Variants in NREP observed in about 807,000 individuals in gnomAD.
NREP encodes the protein neuronal regeneration-related protein.
In NREP, 5 loss-of-function variants were observed where a neutral mutation model predicts 8.6. That is an observed-to-expected ratio of 0.58 (90% confidence interval 0.30 to 1.22). The LOEUF is 1.22. NREP is among the 50% of genes most tolerant of loss of function. NREP has a pLI of 0.07. For synonymous variants in NREP, 27 were observed against 28.0 expected (o/e 0.96, Z 0.11); for missense variants, 86 against 82.5 (o/e 1.04, Z -0.17).
chr5:111,851,705 C>A (rs1456890284), intron 2 of NREP, among the ~76,000 whole-genome samples: 1 of 151,998 alleles, frequency 6.6e-6, no homozygotes, highest in Admixed American at 6.6e-5. Flanking sequence ...GCTAAAGAGA[C>A]CTATTGTGCA....
chr5:111,928,495 C>T (rs1755450977), intron 2 of NREP, among the ~76,000 whole-genome samples: 1 of 152,110 alleles, frequency 6.6e-6, no homozygotes, highest in South Asian at 2.1e-4. Context: ...TGCTAACCAT[C>T]TGACTTCTGA....
At chr5:111,865,401 G>C (rs961687390) in intron 2 of NREP, among the ~76,000 whole-genome samples, 5 of 152,056 alleles carry the variant, frequency 3.3e-5, no homozygotes, top group African/African-American at 1.2e-4. Context: ...AAAATACATG[G>C]GAGGGTTGTA....
At chr5:111,745,262 G>GAGA (rs971052286) in intron 2 of NREP, among the ~76,000 whole-genome samples, 51 of 152,302 alleles carry the variant, frequency 3.3e-4, no homozygotes, top group Admixed American at 1.8e-3. Flanking sequence ...AACACTGAGG[G>GAGA]AGAATAGTCA....
At chr5:111,905,848 C>A (rs1754767716) in intron 2 of NREP, among the ~76,000 whole-genome samples, 1 of 151,968 alleles carries the variant, frequency 6.6e-6, no homozygotes, top group South Asian at 2.1e-4. Context: ...ATACATCTGA[C>A]CCATTCCTGT....
At chr5:111,898,114 A>G (rs994752945) in intron 2 of NREP, among the ~76,000 whole-genome samples, 1 of 151,900 alleles carries the variant, frequency 6.6e-6, no homozygotes, top group Admixed American at 6.5e-5. Flanking sequence ...CTTTTACCAG[A>G]TGGAAATAGA....
intron 1 of NREP, among the ~76,000 whole-genome samples, chr5:111,756,858 A>C (rs1489185799): frequency 6.6e-6 from 1 of 152,322 alleles, no homozygotes; most frequent in East Asian, 1.9e-4. Context: ...AAAATTAACC[A>C]CACCAACAAG....
At chr5:111,878,270 TGAA>T (rs1299886206) in intron 2 of NREP, among the ~76,000 whole-genome samples, 8 of 152,206 alleles carry the variant, frequency 5.3e-5, no homozygotes, top group Admixed American at 5.2e-4. Context: ...GGGTAATTTA[TGAA>T]GAACAGAGGT....
intron 1 of NREP, chr5:111,976,596 T>C: frequency 1.3e-6 from 1 of 784,844 alleles, no homozygotes; most frequent in Non-Finnish European, 2.0e-6. Flanking sequence ...TCAAGCAAAA[T>C]GAACAAGGTT....
At chr5:111,737,726 A>C (rs1749261169) in intron 2 of NREP, among the ~76,000 whole-genome samples, 1 of 145,258 alleles carries the variant, frequency 6.9e-6, no homozygotes, top group Non-Finnish European at 1.5e-5. Flanking sequence ...AAAAAAAAAA[A>C]AAACAAAAAC....
intron 2 of NREP, among the ~76,000 whole-genome samples, chr5:111,887,057 G>A (rs984026635): frequency 4.6e-5 from 7 of 151,536 alleles, no homozygotes; most frequent in Non-Finnish European, 8.8e-5. Context: ...CCAAACAACT[G>A]GGACTACAGG....
At chr5:111,896,296 T>C (rs1014762558) in intron 2 of NREP, among the ~76,000 whole-genome samples, 2 of 152,182 alleles carry the variant, frequency 1.3e-5, no homozygotes, top group Non-Finnish European at 2.9e-5. Context: ...AACGAAGTTT[T>C]GGTTTAACAA....
intron 2 of NREP, among the ~76,000 whole-genome samples, chr5:111,888,465 C>T (rs1754316515): frequency 6.6e-6 from 1 of 152,118 alleles, no homozygotes; most frequent in East Asian, 1.9e-4. Flanking sequence ...ATAAAACCAT[C>T]AGATCTCATG....
At chr5:111,848,850 G>A (rs1753242853) in intron 2 of NREP, among the ~76,000 whole-genome samples, 1 of 150,718 alleles carries the variant, frequency 6.6e-6, no homozygotes, top group Non-Finnish European at 1.5e-5. Flanking sequence ...AGAGGAGCCT[G>A]AGCCTAAGAA....
At position 111,730,828 on chromosome 5, in the gene NREP, C is replaced by T. The variant is rs1748479219; in HGVS notation, c.*93G>A. 1 of 1,411,446 alleles carries T rather than the reference C, an allele frequency of 7.1e-7. No homozygotes were observed. The highest frequency in any genetic ancestry group is 1.9e-5 in the Admixed American group (1 of 51,690). 87.4% of individuals were successfully genotyped at this position (1,411,446 alleles called of 1,614,324 possible). The stretch of plus-strand genomic sequence containing the variant: ...CAGAGTCCCATAGTTTCTTCTTATA[C>T]TTGATGATTTACACAGAAAAAAATC... On this transcript the variant is annotated 3_prime_UTR_variant, in exon 4 of 4. Coordinates refer to ENST00000257435, the MANE Select transcript of NREP (RefSeq NM_004772.4).
intron 2 of NREP, among the ~76,000 whole-genome samples, chr5:111,852,491 A>G (rs1753334736): frequency 1.3e-5 from 2 of 152,162 alleles, no homozygotes; most frequent in Admixed American, 1.3e-4. Flanking sequence ...GTTTATGATC[A>G]TTACTCTTGA....
chr5:111,938,728 C>T (rs1755751750), intron 2 of NREP, among the ~76,000 whole-genome samples: 1 of 152,124 alleles, frequency 6.6e-6, no homozygotes, highest in Non-Finnish European at 1.5e-5. Context: ...GTACTGGGAA[C>T]AGAACTTAGG....
intron 2 of NREP, 87 bp from the exon 3 acceptor site, chr5:111,735,594 T>C: frequency 1.1e-6 from 1 of 874,746 alleles, no homozygotes; most frequent in Non-Finnish European, 1.9e-6. Flanking sequence ...AGCTCAATTC[T>C]CCTCAATGGT....
At chr5:111,866,009 C>T (rs985050457) in intron 2 of NREP, among the ~76,000 whole-genome samples, 7 of 152,160 alleles carry the variant, frequency 4.6e-5, no homozygotes, top group Non-Finnish European at 8.8e-5. Context: ...TAGATGCATT[C>T]CATTGCCTTA....
chr5:111,853,556 G>A (rs1753358289), intron 2 of NREP, among the ~76,000 whole-genome samples: 1 of 151,988 alleles, frequency 6.6e-6, no homozygotes, highest in Non-Finnish European at 1.5e-5. Flanking sequence ...GTTCTGAAAA[G>A]TCAACTCAAT....
Sources: allele counts gnomAD v4.1 joint callset (sites outside exome capture counted in the v4.1 genomes callset), GRCh38; gene constraint gnomAD v4.1.1; transcripts MANE v1.5; gene names NCBI Gene and HGNC (gene_info 2026-07-23, HGNC 2026-07-21).